Variants in GABRB1 observed in about 807,000 individuals in gnomAD.
GABRB1 encodes the protein gamma-aminobutyric acid type A receptor subunit beta1, also known as gamma-aminobutyric acid receptor subunit beta-1.
GABRB1 carries 17 observed loss-of-function variants against 51.6 expected under a neutral mutation model. The observed-to-expected ratio is 0.33, with a 90% CI of 0.23 to 0.49. The LOEUF (loss-of-function observed/expected upper bound fraction) is 0.49, where lower values mean the gene tolerates loss of function less well. Ranked by LOEUF, GABRB1 falls within the 20% of genes least tolerant of loss-of-function variation. GABRB1 has a pLI of 0.99. For missense variants in GABRB1, 410 were observed against 600.6 expected, an observed-to-expected ratio of 0.68 and a Z score of 3.32; for synonymous variants, 247 against 218.9, an observed-to-expected ratio of 1.13 and a Z score of -1.14.
intron 5 of GABRB1, among the ~76,000 whole-genome samples, chr4:47,373,937 T>C: frequency 6.6e-6 from 1 of 152,116 alleles, no homozygotes; most frequent in East Asian, 1.9e-4. Flanking sequence ...GTGAGAAGAG[T>C]ATTTCTGCCC....
chr4:47,355,213 C>G (rs529024069), intron 5 of GABRB1, among the ~76,000 whole-genome samples: 1 of 152,136 alleles, frequency 6.6e-6, no homozygotes, highest in East Asian at 1.9e-4. Context: ...AACTTATGAT[C>G]TCAGGTGATT....
chr4:47,218,140 A>T (rs1252859499), intron 4 of GABRB1, among the ~76,000 whole-genome samples: 1 of 151,834 alleles, frequency 6.6e-6, no homozygotes, highest in East Asian at 1.9e-4. Flanking sequence ...CTCCAGTTCC[A>T]TCCATGTTGC....
chr4:47,316,221 T>C (rs1009465866), intron 4 of GABRB1, among the ~76,000 whole-genome samples: 2 of 152,026 alleles, frequency 1.3e-5, no homozygotes, highest in South Asian at 2.1e-4. Context: ...ATATACTATA[T>C]GCTTATTTTT....
chr4:47,036,793 C>A (rs1022848885), intron 3 of GABRB1, among the ~76,000 whole-genome samples: 5 of 151,396 alleles, frequency 3.3e-5, no homozygotes, highest in African/African-American at 1.2e-4. Context: ...ACCCAGGAGG[C>A]TGGAGGTTGC....
chr4:47,198,097 G>C (rs930027343), intron 4 of GABRB1, among the ~76,000 whole-genome samples: 1 of 152,140 alleles, frequency 6.6e-6, no homozygotes, highest in African/African-American at 2.4e-5. Flanking sequence ...TCAAGGAAGT[G>C]CTCCATAAAC....
chr4:47,015,275 G>A lies in GABRB1; in HGVS notation c.-19-16639G>A, dbSNP rs146804137. Among the ~76,000 whole-genome samples, 1,447 of 152,262 alleles carry A rather than the reference G, an allele frequency of 9.5e-3. 21 individuals are homozygous for A. Among genetic ancestry groups the A allele is most frequent in the African/African-American group, 0.031 (1,300 of 41,550 alleles). On this transcript the variant is annotated intron_variant, in intron 1 of 3. Transcript: ENST00000513567. ...AGAAAAGGCAGAGATTTAAGAGGACGTATAATAATATAGAATAACAATATG... is the reference window on the plus strand; with the variant it reads ...AGAAAAGGCAGAGATTTAAGAGGACATATAATAATATAGAATAACAATATG...
intron 5 of GABRB1, among the ~76,000 whole-genome samples, chr4:47,371,694 T>C (rs1030646503): frequency 6.6e-6 from 1 of 152,238 alleles, no homozygotes; most frequent in African/African-American, 2.4e-5. Context: ...ATCCGTGATG[T>C]TGAGCTTTTT....
intron 3 of GABRB1, among the ~76,000 whole-genome samples, chr4:47,130,981 A>G (rs1716389022): frequency 6.6e-6 from 1 of 152,184 alleles, no homozygotes; most frequent in Admixed American, 6.5e-5. Context: ...AGTGGCATAA[A>G]ACTAAAGCTG....
intron 3 of GABRB1, among the ~76,000 whole-genome samples, chr4:47,150,390 A>C (rs1717386770): frequency 6.6e-6 from 1 of 151,498 alleles, no homozygotes; most frequent in Non-Finnish European, 1.5e-5. Context: ...AGAGAGAGAG[A>C]GAGATGTAGA....
intron 4 of GABRB1, among the ~76,000 whole-genome samples, chr4:47,205,331 C>G (rs963471803): frequency 6.6e-6 from 1 of 152,170 alleles, no homozygotes; most frequent in South Asian, 2.1e-4. Flanking sequence ...ATATATTCAG[C>G]TCAAAGGAAT....
intron 3 of GABRB1, among the ~76,000 whole-genome samples, chr4:47,060,604 T>C (rs1726806891): frequency 6.6e-6 from 1 of 152,182 alleles, no homozygotes; most frequent in South Asian, 2.1e-4. Context: ...GACTTTATAC[T>C]TAGTTTAAAA....
At position 47,346,047 on chromosome 4, in the gene GABRB1, C is replaced by CA. The variant is rs10672251; in HGVS notation, c.544+25848dup. Among the ~76,000 whole-genome samples the CA allele has an allele frequency of 7.8e-3, 1,118 of 142,896 alleles. 12 individuals are homozygous for CA. Among genetic ancestry groups the CA allele is most frequent in the African/African-American group, 0.021 (799 of 38,702 alleles). The allele number at this position is 142,896 out of a possible 152,430, so 93.7% of individuals were successfully genotyped here. On this transcript the variant is annotated intron_variant, in intron 5 of 8. Transcript: ENST00000295454. ...GGTATAAAGATATTGTTGAAAATGG[C>CA]AAAAAAAAAAGGCCTGCAGATACCC... is the stretch of plus-strand genomic sequence containing the variant.
At chr4:47,338,213 C>A (rs545361285) in intron 5 of GABRB1, among the ~76,000 whole-genome samples, 86 of 152,290 alleles carry the variant, frequency 5.6e-4, no homozygotes, top group African/African-American at 2.0e-3. Flanking sequence ...TGACTGATGA[C>A]AAAGTGCTAT....
chr4:47,309,262 G>GTT (rs36085340), intron 4 of GABRB1, among the ~76,000 whole-genome samples: 25 of 151,114 alleles, frequency 1.7e-4, no homozygotes, highest in South Asian at 4.2e-4. Context: ...ATCCTTTAAA[G>GTT]TTTTTTTTTG....
intron 1 of GABRB1, among the ~76,000 whole-genome samples, chr4:46,998,556 A>C (rs187758772): frequency 4.6e-5 from 7 of 152,004 alleles, no homozygotes; most frequent in South Asian, 4.2e-4. Flanking sequence ...ACATGCCGAA[A>C]CCCCGTCTCT....
chr4:47,396,030 C>A (rs930578935), intron 5 of GABRB1, among the ~76,000 whole-genome samples: 6 of 152,000 alleles, frequency 3.9e-5, no homozygotes, highest in Non-Finnish European at 7.4e-5. Context: ...ATTTAGTTAA[C>A]CACTCTTCTG....
At chr4:47,102,190 G>T (rs942755035) in intron 3 of GABRB1, among the ~76,000 whole-genome samples, 11 of 152,112 alleles carry the variant, frequency 7.2e-5, no homozygotes, top group African/African-American at 1.4e-4. Context: ...AGAGTTGACA[G>T]ATTAGGAATC....
chr4:47,085,279 C>T (rs994911588), intron 3 of GABRB1, among the ~76,000 whole-genome samples: 1 of 152,114 alleles, frequency 6.6e-6, no homozygotes, highest in Admixed American at 6.6e-5. Context: ...TATTTTTCCC[C>T]TTATGACATC....
At chr4:47,305,666 A>G (rs1724439075) in intron 4 of GABRB1, among the ~76,000 whole-genome samples, 1 of 152,172 alleles carries the variant, frequency 6.6e-6, no homozygotes, top group South Asian at 2.1e-4. Context: ...AATATGTGTC[A>G]GTTTCAAACA....
Sources: allele counts gnomAD v4.1 joint callset (sites outside exome capture counted in the v4.1 genomes callset), GRCh38; gene constraint gnomAD v4.1.1; transcripts MANE v1.5; gene names NCBI Gene and HGNC (gene_info 2026-07-23, HGNC 2026-07-21).